BTBD9: variants seen among roughly 807,000 people sequenced by gnomAD.
The protein encoded by BTBD9 is BTB/POZ domain-containing protein 9.
BTBD9 carries 49 observed loss-of-function variants against 64.3 expected under a neutral mutation model. The ratio of observed to expected loss-of-function variants is 0.76; its 90% CI spans 0.61 to 0.97. The LOEUF is 0.97. Ranked by LOEUF, BTBD9 falls within the 50% of genes least tolerant of loss-of-function variation. The probability of loss-of-function intolerance (pLI) is 0.00; values close to 1 mark genes in which losing one functional copy is unlikely to be tolerated. For synonymous variants in BTBD9, 260 were observed against 274.7 expected, an observed-to-expected ratio of 0.95 and a Z score of 0.53; for missense variants, 598 against 762.1, an observed-to-expected ratio of 0.78 and a Z score of 2.53.
chr6:38,619,542 G>GC (rs1178862492), intron 1 of BTBD9, among the ~76,000 whole-genome samples: 1 of 152,140 alleles, frequency 6.6e-6, no homozygotes, highest in Non-Finnish European at 1.5e-5. Flanking sequence ...AAGGCACACT[G>GC]CCCCAGAGGA....
At chr6:38,562,587 A>G (rs1775308046) in intron 6 of BTBD9, among the ~76,000 whole-genome samples, 1 of 152,212 alleles carries the variant, frequency 6.6e-6, no homozygotes, top group African/African-American at 2.4e-5. Flanking sequence ...ACCATTCTCT[A>G]TTCTCATATA....
At chr6:38,316,424 T>C (rs1431689868) in intron 7 of BTBD9, among the ~76,000 whole-genome samples, 1 of 152,212 alleles carries the variant, frequency 6.6e-6, no homozygotes, top group African/African-American at 2.4e-5. Flanking sequence ...TCTGGTGCTA[T>C]GTTTTAATTT....
chr6:38,242,719 G>C (rs10484932), intron 9 of BTBD9, among the ~76,000 whole-genome samples: 16,212 of 152,090 alleles, frequency 0.11, 1,274 homozygotes, highest in East Asian at 0.45. Flanking sequence ...CTACCTACTA[G>C]GGTCACTGAA....
intron 6 of BTBD9, among the ~76,000 whole-genome samples, chr6:38,346,410 A>G (rs1241756319): frequency 6.6e-6 from 1 of 151,934 alleles, no homozygotes; most frequent in Non-Finnish European, 1.5e-5. Context: ...ACATAAGCTG[A>G]TCACTCACCT....
chr6:38,403,121 A>AGG (rs1767012236), intron 6 of BTBD9, among the ~76,000 whole-genome samples: 2 of 148,500 alleles, frequency 1.3e-5, no homozygotes, highest in Admixed American at 6.8e-5. Context: ...AGGAAAGAAA[A>AGG]AAGAAAAGAA....
intron 6 of BTBD9, among the ~76,000 whole-genome samples, chr6:38,428,773 C>G (rs990121854): frequency 6.8e-6 from 1 of 148,142 alleles, no homozygotes; most frequent in African/African-American, 2.5e-5. Flanking sequence ...AGTGCAGTGG[C>G]GCGATCTCGG....
At chr6:38,378,078 G>A (rs1202427233) in intron 6 of BTBD9, among the ~76,000 whole-genome samples, 1 of 151,774 alleles carries the variant, frequency 6.6e-6, no homozygotes, top group Non-Finnish European at 1.5e-5. Flanking sequence ...ACTTCCCATG[G>A]CTCCGCCCCG....
At chr6:38,247,155 T>TAAA (rs5875623) in intron 9 of BTBD9, among the ~76,000 whole-genome samples, 1 of 148,996 alleles carries the variant, frequency 6.7e-6, no homozygotes, top group Non-Finnish European at 1.5e-5. Flanking sequence ...AAAGAAGATG[T>TAAA]AAAAAAAAAA....
intron 6 of BTBD9, among the ~76,000 whole-genome samples, chr6:38,514,777 A>G (rs1047570836): frequency 1.3e-5 from 2 of 152,170 alleles, no homozygotes; most frequent in Non-Finnish European, 2.9e-5. Flanking sequence ...GAGAACCTTA[A>G]ATGTCTGACT....
At chr6:38,561,918 G>A (rs188324729) in intron 6 of BTBD9, among the ~76,000 whole-genome samples, 22 of 152,142 alleles carry the variant, frequency 1.4e-4, no homozygotes, top group African/African-American at 5.3e-4. Flanking sequence ...TGTGCCCCCC[G>A]AATGTAAAAT....
intron 6 of BTBD9, among the ~76,000 whole-genome samples, chr6:38,374,306 T>TATATATATATATATATATATATAC (rs1491240635): frequency 2.4e-5 from 2 of 84,640 alleles, no homozygotes; most frequent in Non-Finnish European, 4.3e-5. Flanking sequence ...TGTATATATA[T>TATATATATATATATATATATATAC]GTATATATAT....
intron 9 of BTBD9, among the ~76,000 whole-genome samples, chr6:38,197,982 A>G (rs1373662463): frequency 6.6e-6 from 1 of 152,238 alleles, no homozygotes; most frequent in Non-Finnish European, 1.5e-5. Flanking sequence ...GATGGGGAAC[A>G]AAGGAGATTT....
At chr6:38,242,741 C>T (rs1291696427) in intron 9 of BTBD9, among the ~76,000 whole-genome samples, 1 of 152,222 alleles carries the variant, frequency 6.6e-6, no homozygotes, top group Non-Finnish European at 1.5e-5. Flanking sequence ...AAATATTAGA[C>T]TGAATCAAAG....
intron 6 of BTBD9, among the ~76,000 whole-genome samples, chr6:38,389,753 G>T (rs1766331612): frequency 6.6e-6 from 1 of 152,146 alleles, no homozygotes; most frequent in African/African-American, 2.4e-5. Flanking sequence ...GTATGAAATT[G>T]CTTTAAAATC....
intron 6 of BTBD9, among the ~76,000 whole-genome samples, chr6:38,365,996 G>T (rs1765171430): frequency 3.3e-5 from 5 of 152,148 alleles, no homozygotes; most frequent in African/African-American, 1.2e-4. Context: ...TTAACTGGAT[G>T]CTTCTCACTC....
At chr6:38,389,542 C>T (rs1229671830) in intron 6 of BTBD9, among the ~76,000 whole-genome samples, 1 of 152,194 alleles carries the variant, frequency 6.6e-6, no homozygotes, top group African/African-American at 2.4e-5. Flanking sequence ...TTTACAGTCA[C>T]TTCATGGTAT....
At chr6:38,355,100 A>G (rs1764667298) in intron 6 of BTBD9, among the ~76,000 whole-genome samples, 1 of 152,222 alleles carries the variant, frequency 6.6e-6, no homozygotes, top group South Asian at 2.1e-4. Context: ...TTTCAGCACT[A>G]CTGGTATAAG....
intron 6 of BTBD9, among the ~76,000 whole-genome samples, chr6:38,410,226 T>C (rs949365064): frequency 6.6e-6 from 1 of 152,112 alleles, no homozygotes; most frequent in African/African-American, 2.4e-5. Context: ...ATCCCAGCAC[T>C]TTGGGAGGCT....
At chr6:38,586,733 A>C (rs1295652501) in intron 4 of BTBD9, among the ~76,000 whole-genome samples, 1 of 152,230 alleles carries the variant, frequency 6.6e-6, no homozygotes, top group Non-Finnish European at 1.5e-5. Context: ...ACAGTGAAGA[A>C]ATTTGATAAA....
Sources: gnomAD v4.1 joint callset for allele counts (sites outside exome capture counted in the v4.1 genomes callset) on GRCh38, gnomAD v4.1.1 for gene constraint, MANE v1.5 for transcripts, NCBI Gene and HGNC (gene_info 2026-07-23, HGNC 2026-07-21) for gene names.